NRF1: variants seen among roughly 807,000 people sequenced by gnomAD.
NRF1 encodes the protein alpha palindromic-binding protein.
In NRF1, 5 loss-of-function variants were observed where a neutral mutation model predicts 58.5. The ratio of observed to expected loss-of-function variants is 0.09; its 90% CI spans 0.04 to 0.18. NRF1 has a LOEUF of 0.18. NRF1 is among the 10% of genes least tolerant of loss of function. The pLI is 1.00. For missense variants in NRF1, 288 were observed against 657.7 expected, an observed-to-expected ratio of 0.44 and a Z score of 6.15; for synonymous variants, 224 against 246.7, an observed-to-expected ratio of 0.91 and a Z score of 0.86.
chr7:129,673,402 T>C (rs948181747), intron 3 of NRF1, among the ~76,000 whole-genome samples: 4 of 152,208 alleles, frequency 2.6e-5, no homozygotes, highest in African/African-American at 9.7e-5. Context: ...AGAGGCAGTG[T>C]TTCTGTTTCA....
intron 4 of NRF1, among the ~76,000 whole-genome samples, chr7:129,682,074 C>T (rs941366432): frequency 1.7e-5 from 1 of 58,524 alleles, no homozygotes; most frequent in African/African-American, 3.4e-5. Flanking sequence ...AGAGTGAGAC[C>T]CTGTCTCAAT....
At chr7:129,612,749 T>TTCGGGTTTGTC (rs1800565260) in intron 1 of NRF1, among the ~76,000 whole-genome samples, 2 of 152,154 alleles carry the variant, frequency 1.3e-5, no homozygotes, top group Non-Finnish European at 2.9e-5. Flanking sequence ...CCCAGACCTT[T>TTCGGGTTTGTC]TCGGGTTTGT....
intron 4 of NRF1, among the ~76,000 whole-genome samples, chr7:129,683,284 GGA>G (rs1364258588): frequency 3.3e-3 from 430 of 131,888 alleles, no homozygotes; most frequent in African/African-American, 0.012. Context: ...TCAATCATGT[GGA>G]GAGTGTGTGT....
chr7:129,704,702 A>T (rs928825776), intron 5 of NRF1, among the ~76,000 whole-genome samples: 1 of 152,208 alleles, frequency 6.6e-6, no homozygotes, highest in Non-Finnish European at 1.5e-5. Flanking sequence ...TATGCACTAT[A>T]GCCTGGTGGT....
rs1260098777 is a variant in NRF1 at position 129,657,582 on chromosome 7, T to C, written c.223+8T>C. On this transcript the variant is annotated splice_region_variant and intron_variant, in intron 2 of 10. Transcript: ENST00000393232. ...CTCATCTGGCAGCTGCAGGTAGTGT[T>C]GTTTGGATTAGAAGCTCTTCTTTAA... 1.3e-6 allele frequency: 2 copies of C among 1,598,346 alleles called. No homozygotes were observed. Among genetic ancestry groups the C allele is most frequent in the Non-Finnish European group, 1.7e-6 (2 of 1,168,312 alleles).
At chr7:129,715,432 T>G (rs896354561) in intron 8 of NRF1, among the ~76,000 whole-genome samples, 1 of 152,170 alleles carries the variant, frequency 6.6e-6, no homozygotes, top group Non-Finnish European at 1.5e-5. Flanking sequence ...TTTTGGGTTT[T>G]TTGCTGTGGG....
chr7:129,741,465 G>A lies in NRF1; in HGVS notation c.1349-13553G>A, dbSNP rs1803845300. On this transcript the variant is annotated intron_variant, in intron 10 of 10. Coordinates refer to ENST00000393232, the MANE Select transcript of NRF1 (RefSeq NM_005011.5). This position sits in a 1 kb window ranked among gnomAD's most constrained non-coding sequence, Gnocchi z 4.0. The stretch of plus-strand genomic sequence containing the variant: ...CTGAATCTTGTGCCTGTCATTGTGA[G>A]CGCTATTCTGTAAAGGGATTTTTTT... 6.6e-6 allele frequency among the ~76,000 whole-genome samples: 1 copy of A among 152,096 alleles called. No individual in the cohort carries two copies. The highest frequency in any genetic ancestry group is 1.5e-5 in the Non-Finnish European group (1 of 68,022).
At chr7:129,626,741 G>A (rs917852148) in intron 1 of NRF1, among the ~76,000 whole-genome samples, 1 of 152,196 alleles carries the variant, frequency 6.6e-6, no homozygotes, top group Non-Finnish European at 1.5e-5. Context: ...TTGGGCAGAT[G>A]GATGCATCTT....
At chr7:129,663,145 GTC>G (rs1801824994) in intron 2 of NRF1, among the ~76,000 whole-genome samples, 1 of 152,170 alleles carries the variant, frequency 6.6e-6, no homozygotes. Context: ...AGTCTCCTAT[GTC>G]TACTTCTTTC....
chr7:129,710,644 A>G (rs1283396769), intron 7 of NRF1, 73 bp downstream of exon 7: 2 of 808,544 alleles, frequency 2.5e-6, no homozygotes, highest in Admixed American at 3.5e-5. Context: ...CAGACTAGGG[A>G]AAGTTTCCTT....
intron 4 of NRF1, among the ~76,000 whole-genome samples, chr7:129,683,687 T>C (rs964171806): frequency 1.1e-4 from 15 of 139,284 alleles, no homozygotes; most frequent in African/African-American, 3.6e-4. Flanking sequence ...CAGGCTAGAG[T>C]GCAGTGGTGC....
At chr7:129,669,129 T>G (rs1217616916) in intron 2 of NRF1, among the ~76,000 whole-genome samples, 1 of 152,134 alleles carries the variant, frequency 6.6e-6, no homozygotes, top group Non-Finnish European at 1.5e-5. Context: ...GTATTTTTAG[T>G]AGAGATGGGG....
At chr7:129,718,000 G>A (rs1481763234) in intron 9 of NRF1, among the ~76,000 whole-genome samples, 1 of 152,174 alleles carries the variant, frequency 6.6e-6, no homozygotes, top group African/African-American at 2.4e-5. Context: ...GCGAGCTCAA[G>A]ATAAATAAGT....
chr7:129,681,699 G>T (rs969043852), intron 4 of NRF1, among the ~76,000 whole-genome samples: 4 of 152,138 alleles, frequency 2.6e-5, no homozygotes, highest in Non-Finnish European at 5.9e-5. Flanking sequence ...TCAGCCTCCT[G>T]AGTAGCTGGA....
chr7:129,742,413 T>TCG (rs1456217984), intron 10 of NRF1, among the ~76,000 whole-genome samples: 1 of 151,918 alleles, frequency 6.6e-6, no homozygotes, highest in Non-Finnish European at 1.5e-5. Context: ...TCAGATTGGC[T>TCG]CGCTAGAGAG....
chr7:129,677,950 G>A (rs529228651), intron 4 of NRF1, among the ~76,000 whole-genome samples, 192 bp downstream of exon 4: 17 of 144,728 alleles, frequency 1.2e-4, no homozygotes, highest in African/African-American at 3.0e-4. Context: ...TACTTCCTAC[G>A]TCAAGGTATT....
intron 10 of NRF1, among the ~76,000 whole-genome samples, chr7:129,750,561 G>C (rs62489334): frequency 2.0e-5 from 3 of 152,076 alleles, no homozygotes; most frequent in Non-Finnish European, 4.4e-5. Context: ...AGAAAACAGC[G>C]GAATTGGGGT....
intron 1 of NRF1, among the ~76,000 whole-genome samples, chr7:129,624,237 G>A (rs183786093): frequency 3.4e-4 from 51 of 151,958 alleles, no homozygotes; most frequent in African/African-American, 9.7e-4. Context: ...TCTTTTTTGC[G>A]TTTTTCCTTC....
At chr7:129,615,276 CTG>C (rs1463021287) in intron 1 of NRF1, among the ~76,000 whole-genome samples, 1 of 152,178 alleles carries the variant, frequency 6.6e-6, no homozygotes, top group Non-Finnish European at 1.5e-5. Flanking sequence ...CACAGTGCCA[CTG>C]TGAAAAATTG....
Sources: allele counts gnomAD v4.1 joint callset (sites outside exome capture counted in the v4.1 genomes callset), GRCh38; gene constraint gnomAD v4.1.1; non-coding constraint Gnocchi (gnomAD v3.1); transcripts MANE v1.5; gene names NCBI Gene and HGNC (gene_info 2026-07-23, HGNC 2026-07-21).